Variants in TTC29 observed in about 807,000 individuals in gnomAD.
TTC29 encodes the protein tetratricopeptide repeat protein 29.
Under a neutral mutation model 58.1 loss-of-function variants are expected in TTC29, and 49 were observed. The observed-to-expected ratio is 0.84, with a 90% CI of 0.67 to 1.07. The LOEUF (loss-of-function observed/expected upper bound fraction) is 1.07. Ranked by LOEUF, TTC29 falls within the 50% of genes least tolerant of loss-of-function variation. TTC29 has a pLI of 0.00. For missense variants in TTC29, 582 were observed against 555.6 expected, an observed-to-expected ratio of 1.05 and a Z score of -0.48; for synonymous variants, 209 against 196.8, an observed-to-expected ratio of 1.06 and a Z score of -0.52.
intron 11 of TTC29, among the ~76,000 whole-genome samples, chr4:146,795,747 C>G (rs1415723442): frequency 6.6e-6 from 1 of 152,094 alleles, no homozygotes; most frequent in Non-Finnish European, 1.5e-5. Flanking sequence ...CAGAAGAAAT[C>G]TTATGGACCA....
intron 11 of TTC29, among the ~76,000 whole-genome samples, chr4:146,746,668 G>A (rs1463846971): frequency 6.6e-6 from 1 of 152,152 alleles, no homozygotes; most frequent in Non-Finnish European, 1.5e-5. Context: ...TGTCCCACCA[G>A]ATGAAAGAGA....
chr4:146,723,353 T>C (rs7693634), intron 11 of TTC29, among the ~76,000 whole-genome samples: 7 of 152,066 alleles, frequency 4.6e-5, no homozygotes, highest in Admixed American at 2.0e-4. Flanking sequence ...GACTCAGTCC[T>C]CAAAACAATT....
At chr4:146,734,174 G>A (rs1413735283) in intron 11 of TTC29, among the ~76,000 whole-genome samples, 1 of 152,108 alleles carries the variant, frequency 6.6e-6, no homozygotes, top group East Asian at 1.9e-4. Flanking sequence ...AAAAGAGGTA[G>A]GAGGGTATAG....
chr4:146,864,617 T>G (rs948708545), intron 8 of TTC29, among the ~76,000 whole-genome samples: 4 of 152,178 alleles, frequency 2.6e-5, no homozygotes, highest in Admixed American at 2.6e-4. Flanking sequence ...TCAGCAGGGC[T>G]GTGATCTTTT....
chr4:146,725,992 T>C (rs1205671982), intron 11 of TTC29, among the ~76,000 whole-genome samples: 2 of 152,090 alleles, frequency 1.3e-5, no homozygotes, highest in Admixed American at 1.3e-4. Context: ...GTCACCTCAG[T>C]CTCCCAAATA....
intron 6 of TTC29, among the ~76,000 whole-genome samples, chr4:146,889,494 T>C (rs1732209598): frequency 6.6e-6 from 1 of 152,170 alleles, no homozygotes. Context: ...GAGGCTGTCC[T>C]GGTTAAGATT....
At chr4:146,939,711 G>T in intron 3 of TTC29, 93 bp downstream of exon 3, 1 of 1,193,100 alleles carries the variant, frequency 8.4e-7, no homozygotes, top group Non-Finnish European at 1.2e-6. Flanking sequence ...CTCTTCTCTT[G>T]AAATGATTTT....
chr4:146,815,508 C>T (rs1751339164), intron 10 of TTC29, among the ~76,000 whole-genome samples: 1 of 151,914 alleles, frequency 6.6e-6, no homozygotes, highest in African/African-American at 2.4e-5. Flanking sequence ...AGTTTGGAGT[C>T]CCAGGAGAAA....
rs553897438 is a variant in TTC29, at chr4:146,862,896, G to T, written c.885+4602C>A. ...CCAGCATTTTGGGAGGCTGAGGCGG[G>T]CAGATCACAAGGTCAGGAGATGGAG... On this transcript the variant is annotated intron_variant, in intron 8 of 12. Transcript: ENST00000325106. Among the ~76,000 whole-genome samples the T allele has an allele frequency of 6.6e-5, 10 of 152,214 alleles. No homozygotes were observed. In the South Asian group the frequency reaches 2.1e-3, roughly 32 times the overall value.
intron 10 of TTC29, among the ~76,000 whole-genome samples, chr4:146,816,633 GAGA>G (rs1342492700): frequency 6.6e-6 from 1 of 152,026 alleles, no homozygotes; most frequent in Non-Finnish European, 1.5e-5. Context: ...GGGAGGCAGG[GAGA>G]AGAAGGGCCA....
At chr4:146,780,306 T>G (rs989284839) in intron 11 of TTC29, among the ~76,000 whole-genome samples, 1 of 50,064 alleles carries the variant, frequency 2.0e-5, no homozygotes, top group African/African-American at 1.0e-4. Context: ...ACTTGGGGTG[T>G]GTGTGTGTGT....
At chr4:146,715,751 G>A (rs1742882668) in intron 11 of TTC29, among the ~76,000 whole-genome samples, 1 of 152,184 alleles carries the variant, frequency 6.6e-6, no homozygotes, top group African/African-American at 2.4e-5. Flanking sequence ...TTTTCCAAAA[G>A]CTAGAAGACC....
intron 11 of TTC29, among the ~76,000 whole-genome samples, chr4:146,791,829 G>T (rs1322914900): frequency 2.0e-5 from 3 of 152,188 alleles, no homozygotes; most frequent in Non-Finnish European, 2.9e-5. Context: ...AAGCAAAACA[G>T]CTGTATTGCT....
chr4:146,828,280 T>C (rs1181791454), intron 9 of TTC29, among the ~76,000 whole-genome samples: 1 of 152,142 alleles, frequency 6.6e-6, no homozygotes, highest in Non-Finnish European at 1.5e-5. Context: ...CTAAAAGTTA[T>C]TGAGAGAACT....
rs919112254 is a variant in TTC29, at chr4:146,803,399, T to A, written c.1330+58A>T. On this transcript the variant is annotated intron_variant, in intron 11 of 12. Coordinates refer to ENST00000325106, the MANE Select transcript of TTC29 (RefSeq NM_031956.4). Reference sequence around the variant, plus strand: ...TTTGAGTGAAACTTTCCAATGAAAGTAAATTAATCATTGAGAATGATATGA... The same window carrying A: ...TTTGAGTGAAACTTTCCAATGAAAGAAAATTAATCATTGAGAATGATATGA... 7 of 1,214,550 alleles carry A rather than the reference T, an allele frequency of 5.8e-6. No homozygotes were observed. The East Asian group carries it at 7.8e-5, about 13-fold the overall frequency. The allele number at this position is 1,214,550 out of a possible 1,614,324, so 75.2% of individuals were successfully genotyped here.
intron 11 of TTC29, among the ~76,000 whole-genome samples, chr4:146,784,322 C>G (rs12513039): frequency 0.17 from 26,129 of 151,896 alleles, 3,361 homozygotes; most frequent in African/African-American, 0.35. Flanking sequence ...AATTGTTGGA[C>G]ACAACACAGT....
intron 11 of TTC29, among the ~76,000 whole-genome samples, chr4:146,757,395 G>C (rs1369800416): frequency 6.6e-6 from 1 of 152,114 alleles, no homozygotes; most frequent in Non-Finnish European, 1.5e-5. Flanking sequence ...AAATATCTAT[G>C]CGTCTCTCAG....
intron 11 of TTC29, among the ~76,000 whole-genome samples, chr4:146,779,086 A>G (rs1748371037): frequency 6.6e-6 from 1 of 151,862 alleles, no homozygotes; most frequent in Non-Finnish European, 1.5e-5. Context: ...AGGAACTTAA[A>G]TCTGAAGTAT....
intron 10 of TTC29, among the ~76,000 whole-genome samples, chr4:146,807,379 T>A (rs894544351): frequency 1.3e-5 from 2 of 151,656 alleles, no homozygotes; most frequent in African/African-American, 4.8e-5. Flanking sequence ...AGGCAAGAAA[T>A]AAATAAGATC....
Sources: gnomAD v4.1 joint callset for allele counts (sites outside exome capture counted in the v4.1 genomes callset) on GRCh38, gnomAD v4.1.1 for gene constraint, MANE v1.5 for transcripts, NCBI Gene and HGNC (gene_info 2026-07-23, HGNC 2026-07-21) for gene names.